PEPD: variants seen among roughly 807,000 people sequenced by gnomAD.
The protein encoded by PEPD is xaa-Pro dipeptidase.
A neutral mutation model predicts 60.7 loss-of-function variants in PEPD; 53 were observed. That is an observed-to-expected ratio of 0.87 (90% CI 0.70 to 1.10). PEPD has a LOEUF of 1.10. Among genes scored for constraint, PEPD ranks in the 50% least tolerant of loss-of-function variants. The pLI, the probability that PEPD is intolerant of heterozygous loss-of-function variation, is 0.00. For missense variants in PEPD, 711 were observed against 711.9 expected (o/e 1.00, Z 0.01); for synonymous variants, 267 against 284.1 (o/e 0.94, Z 0.60).
At chr19:33,507,019 C>A (rs1252398258) in intron 3 of PEPD, among the ~76,000 whole-genome samples, 1 of 151,738 alleles carries the variant, frequency 6.6e-6, no homozygotes, top group African/African-American at 2.4e-5. Context: ...ATGCACCACA[C>A]CACACACAGG....
chr19:33,503,508 A>C (rs924177274), intron 3 of PEPD, among the ~76,000 whole-genome samples: 1 of 152,086 alleles, frequency 6.6e-6, no homozygotes, highest in African/African-American at 2.4e-5. Context: ...CCTCGCCTGG[A>C]CTTCGGAGGC....
intron 1 of PEPD, among the ~76,000 whole-genome samples, chr19:33,520,274 C>T (rs1208444754): frequency 1.3e-5 from 2 of 152,166 alleles, no homozygotes; most frequent in East Asian, 3.9e-4. Flanking sequence ...CACAGCTGGG[C>T]ACCAGCCTGC....
intron 12 of PEPD, among the ~76,000 whole-genome samples, chr19:33,398,224 GCTTGGGTGT>G (rs1968411177): frequency 6.6e-6 from 1 of 152,252 alleles, no homozygotes; most frequent in Admixed American, 6.5e-5. Flanking sequence ...TCAGCCTGAT[GCTTGGGTGT>G]ACAGGGTTGC....
intron 5 of PEPD, among the ~76,000 whole-genome samples, chr19:33,491,541 G>A (rs1314870709): frequency 6.6e-6 from 1 of 152,142 alleles, no homozygotes; most frequent in Non-Finnish European, 1.5e-5. Flanking sequence ...CTGCAGAAAG[G>A]GTACACTCTC....
intron 9 of PEPD, among the ~76,000 whole-genome samples, chr19:33,422,652 C>T (rs1969046029): frequency 6.6e-6 from 1 of 150,646 alleles, no homozygotes; most frequent in Non-Finnish European, 1.5e-5. Flanking sequence ...CTCCTACGTA[C>T]CTATCATCCA....
chr19:33,490,464 C>T (rs1245864638), intron 5 of PEPD, among the ~76,000 whole-genome samples: 5 of 152,158 alleles, frequency 3.3e-5, no homozygotes, highest in Admixed American at 6.5e-5. Flanking sequence ...GTATAACATC[C>T]GAAAGAGTCC....
chr19:33,475,567 TCAAAGCCTC>T (rs1240392771), intron 7 of PEPD, among the ~76,000 whole-genome samples: 1 of 152,196 alleles, frequency 6.6e-6, no homozygotes, highest in Non-Finnish European at 1.5e-5. Context: ...GGGCTCGACC[TCAAAGCCTC>T]GAAAATGTCA....
chr19:33,392,631 C>A (rs1368893811), intron 12 of PEPD, among the ~76,000 whole-genome samples: 1 of 152,222 alleles, frequency 6.6e-6, no homozygotes, highest in African/African-American at 2.4e-5. Flanking sequence ...AGAGGTCCAG[C>A]CCCACCAGGC....
intron 9 of PEPD, among the ~76,000 whole-genome samples, chr19:33,440,731 G>A (rs1969466458): frequency 6.6e-6 from 1 of 152,182 alleles, no homozygotes; most frequent in Admixed American, 6.5e-5. Context: ...GGTCACTATT[G>A]AATGCACTAT....
At chr19:33,488,762 T>A (rs1970442982) in intron 6 of PEPD, among the ~76,000 whole-genome samples, 1 of 152,102 alleles carries the variant, frequency 6.6e-6, no homozygotes, top group African/African-American at 2.4e-5. Flanking sequence ...TAATCCCTCA[T>A]CACCCCTACA....
intron 11 of PEPD, among the ~76,000 whole-genome samples, chr19:33,404,305 C>T (rs1347200253): frequency 2.6e-5 from 4 of 152,112 alleles, no homozygotes; most frequent in Non-Finnish European, 4.4e-5. Context: ...CAAGAATAGC[C>T]TGGGCAGAGA....
chr19:33,509,916 T>C (rs1970888383), intron 3 of PEPD, among the ~76,000 whole-genome samples: 1 of 152,208 alleles, frequency 6.6e-6, no homozygotes, highest in South Asian at 2.1e-4. Context: ...GCCTCTGCTC[T>C]ATCTCACAGG....
At chr19:33,468,076 C>G (rs901942327) in intron 7 of PEPD, among the ~76,000 whole-genome samples, 1 of 152,196 alleles carries the variant, frequency 6.6e-6, no homozygotes, top group African/African-American at 2.4e-5. Flanking sequence ...TGGAGAGGCA[C>G]GAGCCCTTTC....
At chr19:33,440,022 G>A (rs1309706007) in intron 9 of PEPD, among the ~76,000 whole-genome samples, 2 of 152,132 alleles carry the variant, frequency 1.3e-5, no homozygotes, top group African/African-American at 4.8e-5. Context: ...TGCCAGAGAG[G>A]TTCTTAAATG....
chr19:33,423,517 G>A (rs1270304531), intron 9 of PEPD, among the ~76,000 whole-genome samples: 3 of 152,232 alleles, frequency 2.0e-5, no homozygotes, highest in Admixed American at 6.5e-5. Context: ...TGCAAGGCTC[G>A]TCTGCCCACA....
intron 7 of PEPD, among the ~76,000 whole-genome samples, chr19:33,464,980 C>T (rs1163166777): frequency 6.6e-6 from 1 of 152,182 alleles, no homozygotes; most frequent in Non-Finnish European, 1.5e-5. Flanking sequence ...GCCCTGGGCT[C>T]CAGTTCAGCT....
chr19:33,476,265 A>G (rs1970211907), intron 7 of PEPD, among the ~76,000 whole-genome samples: 1 of 152,100 alleles, frequency 6.6e-6, no homozygotes, highest in African/African-American at 2.4e-5. Flanking sequence ...ACTGGCCTCT[A>G]ACCCCGAGGG....
intron 11 of PEPD, among the ~76,000 whole-genome samples, chr19:33,402,604 G>C (rs1222866285): frequency 6.6e-6 from 1 of 152,204 alleles, no homozygotes; most frequent in Non-Finnish European, 1.5e-5. Flanking sequence ...GGAAGTGCCA[G>C]ACAGCCTCAT....
intron 9 of PEPD, among the ~76,000 whole-genome samples, chr19:33,436,423 C>G (rs8105921): frequency 2.0e-5 from 3 of 152,142 alleles, no homozygotes; most frequent in Admixed American, 6.5e-5. Flanking sequence ...TCTGCCTCAT[C>G]ATGATGGGCC....
Sources: allele counts gnomAD v4.1 joint callset (sites outside exome capture counted in the v4.1 genomes callset), GRCh38; gene constraint gnomAD v4.1.1; transcripts MANE v1.5; gene names NCBI Gene and HGNC (gene_info 2026-07-23, HGNC 2026-07-21).